Variants in MAP4K3 observed in about 807,000 individuals in gnomAD.
The protein encoded by MAP4K3 is MAPK/ERK kinase kinase kinase 3.
MAP4K3 carries 94 observed loss-of-function variants against 143.5 expected under a neutral mutation model. The ratio of observed to expected loss-of-function variants is 0.65; its 90% CI spans 0.55 to 0.78. The LOEUF (loss-of-function observed/expected upper bound fraction) is 0.78, where lower values mean the gene tolerates loss of function less well. Among genes scored for constraint, MAP4K3 ranks in the 30% least tolerant of loss-of-function variants. The pLI, the probability that MAP4K3 is intolerant of heterozygous loss-of-function variation, is 0.00. For synonymous variants in MAP4K3, 416 were observed against 347.2 expected, an observed-to-expected ratio of 1.20 and a Z score of -2.20; for missense variants, 1,077 against 1,068.1, an observed-to-expected ratio of 1.01 and a Z score of -0.12.
rs544053452 is a variant in MAP4K3 at position 39,354,505 on chromosome 2, C to T, written c.245+1744G>A. 2.0e-5 allele frequency among the ~76,000 whole-genome samples: 3 copies of T among 151,378 alleles called. No homozygotes were observed. The East Asian group carries it at 5.8e-4, about 29-fold the overall frequency. ...TGGTGGCGTGTGCCTATCGTCCTAG[C>T]TACTTGGGAAGCTGAGGCAGGAGAA... On this transcript the variant is annotated intron_variant, in intron 3 of 33. Coordinates refer to ENST00000263881, the MANE Select transcript of MAP4K3 (RefSeq NM_003618.4).
At chr2:39,373,460 G>C (rs781149764) in intron 2 of MAP4K3, among the ~76,000 whole-genome samples, 26 of 152,020 alleles carry the variant, frequency 1.7e-4, no homozygotes, top group Non-Finnish European at 3.1e-4. Flanking sequence ...GAAAGGAAAT[G>C]AGTATATCAA....
rs184863192 is a variant in MAP4K3 at position 39,293,647 on chromosome 2, C to G, written c.1179-379G>C. Among the ~76,000 whole-genome samples, 510 of 152,262 alleles carry G rather than the reference C, an allele frequency of 3.3e-3. 2 individuals carry two copies. The highest frequency in any genetic ancestry group is 5.5e-3 in the Non-Finnish European group (371 of 68,016). ...TCAAATTTTACCTGGAATTTTATAC[C>G]TGACACCTGAAATTATATATACTTT... On this transcript the variant is annotated intron_variant, in intron 16 of 33. Transcript: ENST00000263881.
intron 19 of MAP4K3, among the ~76,000 whole-genome samples, chr2:39,289,424 A>G (rs1681938027): frequency 6.6e-6 from 1 of 152,216 alleles, no homozygotes; most frequent in Non-Finnish European, 1.5e-5. Context: ...CTCATATTAT[A>G]ATTAAAATTT....
chr2:39,399,874 A>G (rs574163317), intron 1 of MAP4K3, among the ~76,000 whole-genome samples: 9 of 152,360 alleles, frequency 5.9e-5, no homozygotes, highest in African/African-American at 1.7e-4. Flanking sequence ...AGCCAGGTAC[A>G]TAATATTTAT....
rs572305985 is a variant in MAP4K3, at chr2:39,397,981, C to G, written c.97-19858G>C. Among the ~76,000 whole-genome samples, 5 of 152,268 alleles carry G rather than the reference C, an allele frequency of 3.3e-5. No homozygotes were observed. The East Asian group carries it at 7.7e-4, about 24-fold the overall frequency. ...GCAAAATCTGATTTAAGTCCAACCA[C>G]TTGTCAAGCTGTAGGGAAAGGGGGG... is the stretch of plus-strand genomic sequence containing the variant. On this transcript the variant is annotated intron_variant, in intron 1 of 33. Coordinates refer to ENST00000263881, the MANE Select transcript of MAP4K3 (RefSeq NM_003618.4).
chr2:39,345,112 C>A (rs1276363730), intron 3 of MAP4K3, among the ~76,000 whole-genome samples: 2 of 152,142 alleles, frequency 1.3e-5, no homozygotes, highest in East Asian at 3.8e-4. Context: ...GTGGCTCACA[C>A]CTGTAATCTC....
At position 39,276,859 on chromosome 2, in the gene MAP4K3, G is replaced by C. The variant is rs570218473; in HGVS notation, c.1794+1548C>G. Among the ~76,000 whole-genome samples the C allele has an allele frequency of 2.6e-5, 4 of 152,312 alleles. No individual in the cohort carries two copies. In the East Asian group the frequency reaches 7.7e-4, roughly 29 times the overall value. On this transcript the variant is annotated intron_variant, in intron 24 of 33. Coordinates refer to ENST00000263881, the MANE Select transcript of MAP4K3 (RefSeq NM_003618.4). ...ACTGGGGGAGAGGAGGAGAGAAATG[G>C]GGAATGACCACTAATGATTACGGAG...
chr2:39,343,537 G>T, intron 3 of MAP4K3, 85 bp from the exon 4 acceptor site: 1 of 1,051,616 alleles, frequency 9.5e-7, no homozygotes, highest in Non-Finnish European at 1.4e-6. Flanking sequence ...GTTGTAAGCT[G>T]TAACACTGAA....
chr2:39,331,862 G>C, intron 8 of MAP4K3, 55 bp downstream of exon 8: 1 of 1,147,538 alleles, frequency 8.7e-7, no homozygotes, highest in Admixed American at 2.2e-5. Flanking sequence ...TTTTAGAAAT[G>C]CTATATCCAA....
chr2:39,421,702 T>G (rs1363680205), intron 1 of MAP4K3, among the ~76,000 whole-genome samples: 1 of 152,218 alleles, frequency 6.6e-6, no homozygotes, highest in East Asian at 1.9e-4. Context: ...CTATTGTTAT[T>G]AATATCTAAT....
intron 8 of MAP4K3, among the ~76,000 whole-genome samples, chr2:39,328,729 T>G (rs1482159954): frequency 1.3e-5 from 2 of 152,180 alleles, no homozygotes; most frequent in African/African-American, 4.8e-5. Context: ...TATGCCTCAA[T>G]AAACCTGACT....
At position 39,437,030 on chromosome 2, in the gene MAP4K3, GGGGGGCCGCTCA is replaced by G; in HGVS notation, c.-55_-44del. Reference sequence around the variant, plus strand: ...CCCCGCCTCCCTCCCGGGCAGGGGAGGGGGGCCGCTCAGGGGGCCACACGGAGAGAGGGCGCC... The same window carrying G: ...CCCCGCCTCCCTCCCGGGCAGGGGAGGGGGGCCACACGGAGAGAGGGCGCC... On this transcript the variant is annotated 5_prime_UTR_variant, in exon 1 of 34. Coordinates refer to ENST00000263881, the MANE Select transcript of MAP4K3 (RefSeq NM_003618.4). The G allele has an allele frequency of 6.5e-7, 1 of 1,528,280 alleles. No individual in the cohort carries two copies. Among genetic ancestry groups the G allele is most frequent in the Non-Finnish European group, 9.0e-7 (1 of 1,114,692 alleles). 94.7% of individuals were successfully genotyped at this position (1,528,280 alleles called of 1,614,324 possible). A position where few individuals can be genotyped will look rare whatever the true frequency, so the allele number is the denominator to read the frequency against.
chr2:39,348,923 G>A (rs1665372319), intron 3 of MAP4K3, among the ~76,000 whole-genome samples: 1 of 151,996 alleles, frequency 6.6e-6, no homozygotes, highest in Admixed American at 6.6e-5. Context: ...ACCAAACTAA[G>A]TATAATTATT....
At chr2:39,261,125 T>A (rs1680551318) in intron 28 of MAP4K3, 1 of 186,124 alleles carries the variant, frequency 5.4e-6, no homozygotes, top group South Asian at 1.3e-4. Flanking sequence ...TCTCCCAATG[T>A]GATGCTTCTT....
At chr2:39,310,663 C>G (rs779047626) in intron 13 of MAP4K3, among the ~76,000 whole-genome samples, 1 of 152,162 alleles carries the variant, frequency 6.6e-6, no homozygotes, top group Non-Finnish European at 1.5e-5. Context: ...AACCTCCATA[C>G]TGTTTACCAT....
intron 27 of MAP4K3, among the ~76,000 whole-genome samples, 161 bp from the exon 28 acceptor site, chr2:39,265,467 A>C (rs1680728596): frequency 6.6e-6 from 1 of 152,242 alleles, no homozygotes; most frequent in African/African-American, 2.4e-5. Context: ...TGGGTGAAAA[A>C]AATACTGTTT....
intron 31 of MAP4K3, among the ~76,000 whole-genome samples, chr2:39,257,351 A>AAG (rs1680381377): frequency 6.6e-6 from 1 of 152,204 alleles, no homozygotes; most frequent in Non-Finnish European, 1.5e-5. Flanking sequence ...TGAGAATGAC[A>AAG]AGAAGGAACT....
rs560052473 is a variant in MAP4K3 at position 39,350,076 on chromosome 2, G to T, written c.245+6173C>A. ...AGGGTGCTACTGGTAACTAACAGAG[G>T]ACAGGGGTACTAATATTAACAACTA... On this transcript the variant is annotated intron_variant, in intron 3 of 33. Transcript: ENST00000263881. 2.6e-5 allele frequency among the ~76,000 whole-genome samples: 4 copies of T among 152,288 alleles called. No individual in the cohort carries two copies. The East Asian group carries it at 7.7e-4, about 29-fold the overall frequency.
chr2:39,337,522 T>A lies in MAP4K3; in HGVS notation c.366+4A>T, dbSNP rs1665002799. Reference sequence around the variant, plus strand: ...TGTTATTTTTGAATTAGCACTTGATTTACCTGCAGTGTTTCTCTGCTAACA... The same window carrying A: ...TGTTATTTTTGAATTAGCACTTGATATACCTGCAGTGTTTCTCTGCTAACA... On this transcript the variant is annotated splice_donor_region_variant and intron_variant, in intron 5 of 33. Coordinates refer to ENST00000263881, the MANE Select transcript of MAP4K3 (RefSeq NM_003618.4). 1 of 1,607,690 alleles carries A rather than the reference T, an allele frequency of 6.2e-7. No individual in the cohort carries two copies. Among genetic ancestry groups the A allele is most frequent in the Admixed American group, 1.7e-5 (1 of 59,872 alleles).
Sources: allele counts gnomAD v4.1 joint callset (sites outside exome capture counted in the v4.1 genomes callset), GRCh38; gene constraint gnomAD v4.1.1; transcripts MANE v1.5; gene names NCBI Gene and HGNC (gene_info 2026-07-23, HGNC 2026-07-21).